The following CPZ variants were observed in gnomAD, a reference collection of about 807,000 sequenced individuals.
CPZ encodes the protein VEZT/CPZ fusion.
CPZ carries 103 observed loss-of-function variants against 61.8 expected under a neutral mutation model. The observed-to-expected ratio is 1.67, with a 90% CI of 1.42 to 1.96. CPZ has a LOEUF of 1.96. Ranked by LOEUF, CPZ falls within the 30% of genes most tolerant of loss-of-function variation. CPZ has a pLI of 0.00. For missense variants in CPZ, 1,461 were observed against 914.9 expected (o/e 1.60, Z -7.70); for synonymous variants, 551 against 373.7 (o/e 1.47, Z -5.47).
intron 2 of CPZ, chr4:8,599,856 A>T: frequency 3.9e-6 from 1 of 254,322 alleles, no homozygotes; most frequent in Non-Finnish European, 7.6e-6. Flanking sequence ...TGGGTGAGTC[A>T]CCTCCCCCGC....
chr4:8,614,221 A>G, intron 8 of CPZ, 138 bp from the exon 9 acceptor site: 11 of 1,205,880 alleles, frequency 9.1e-6, no homozygotes, highest in Non-Finnish European at 1.2e-5. Context: ...CACTTGGCTG[A>G]CACCCCGACG....
intron 1 of CPZ, among the ~76,000 whole-genome samples, chr4:8,594,574 A>C (rs1236385504): frequency 6.6e-6 from 1 of 152,038 alleles, no homozygotes; most frequent in Non-Finnish European, 1.5e-5. Context: ...GAGGAGGGGG[A>C]GGACTGACGG....
At chr4:8,595,604 G>A (rs191092976) in intron 1 of CPZ, among the ~76,000 whole-genome samples, 15 of 152,358 alleles carry the variant, frequency 9.8e-5, no homozygotes, top group Non-Finnish European at 1.8e-4. Flanking sequence ...TGCAGCCCCC[G>A]AGGGCTCCTC....
intron 1 of CPZ, among the ~76,000 whole-genome samples, chr4:8,596,292 C>T (rs1202796190): frequency 2.6e-5 from 4 of 152,192 alleles, no homozygotes; most frequent in African/African-American, 4.8e-5. Flanking sequence ...CCTCGTGATT[C>T]ACCCGCCTAG....
chr4:8,609,281 TAA>T (rs1261131466), intron 7 of CPZ, among the ~76,000 whole-genome samples: 1 of 138,734 alleles, frequency 7.2e-6, no homozygotes, highest in African/African-American at 2.9e-5. Context: ...ATTCACACAC[TAA>T]TTTTCTCAGT....
chr4:8,613,474 C>T (rs926998824), intron 8 of CPZ, among the ~76,000 whole-genome samples: 4 of 152,166 alleles, frequency 2.6e-5, no homozygotes, highest in Admixed American at 6.5e-5. Flanking sequence ...AGCATGAAGC[C>T]GGGGACCAGA....
chr4:8,615,524 A>C (rs1716089854), intron 9 of CPZ, among the ~76,000 whole-genome samples: 1 of 152,214 alleles, frequency 6.6e-6, no homozygotes, highest in Non-Finnish European at 1.5e-5. Context: ...AGGAGAGGTG[A>C]GGGCGCAGCA....
chr4:8,604,317 T>C (rs865828676), intron 4 of CPZ, 129 bp downstream of exon 4: 4 of 838,142 alleles, frequency 4.8e-6, no homozygotes, highest in Middle Eastern at 3.7e-4. Context: ...AGGGAGCTGC[T>C]TGGTGCAGGC....
At chr4:8,616,254 C>T (rs60550708) in intron 9 of CPZ, among the ~76,000 whole-genome samples, 3,531 of 152,254 alleles carry the variant, frequency 0.023, 148 homozygotes, top group African/African-American at 0.081. Flanking sequence ...GGCCAGGCCT[C>T]GGGTGGGAGT....
At chr4:8,605,334 C>CCATCCATCCATCATTTATG (rs1553876736) in intron 4 of CPZ, among the ~76,000 whole-genome samples, 79 of 149,086 alleles carry the variant, frequency 5.3e-4, no homozygotes, top group Middle Eastern at 3.4e-3. Context: ...ATCCATCCAT[C>CCATCCATCCATCATTTATG]CATCCATCCA....
At position 8,609,043 on chromosome 4, in the gene CPZ, A is replaced by ACTCACTCACCCATTCACTCC. The variant is rs1560297595; in HGVS notation, c.1227+1621_1227+1622insACTCACCCATTCACTCCCTC. Among the ~76,000 whole-genome samples, 805 of 141,566 alleles carry ACTCACTCACCCATTCACTCC rather than the reference A, an allele frequency of 5.7e-3. 70 individuals carry two copies. Among genetic ancestry groups the ACTCACTCACCCATTCACTCC allele is most frequent in the South Asian group, 0.025 (101 of 4,102 alleles). The allele number at this position is 141,566 out of a possible 152,430, so 92.9% of individuals were successfully genotyped here. A position where few individuals can be genotyped will look rare whatever the true frequency, so the allele number is the denominator to read the frequency against. ...AACTCACTCCTTCACTCACCCATTC[A>ACTCACTCACCCATTCACTCC]CTCCCTCCCTCCCTCACTCCCTCAC... On this transcript the variant is annotated intron_variant, in intron 7 of 10. Coordinates refer to ENST00000360986, the MANE Select transcript of CPZ (RefSeq NM_001014447.3).
In CPZ at chr4:8,592,876, G is replaced by A. The variant is rs780942665; in HGVS notation, c.43G>A (p.Val15Ile). 58 of 1,533,142 alleles carry A rather than the reference G, an allele frequency of 3.8e-5. No homozygotes were observed. In the African/African-American group the frequency reaches 7.2e-4, roughly 19 times the overall value. 95.0% of individuals were successfully genotyped at this position (1,533,142 alleles called of 1,614,324 possible). A position where few individuals can be genotyped will look rare whatever the true frequency, so the allele number is the denominator to read the frequency against. Residue 15 changes from valine to isoleucine, a missense_variant, in exon 1 of 11, where the codon GTC becomes ATC. Transcript: ENST00000360986. ...LPLLLLTVLV[V>I]AAARPGCEFE... The stretch of plus-strand genomic sequence containing the variant: ...GCTGCTGCTCCTTACAGTCCTGGTC[G>A]TCGCCGCTGCCCGGCCGGGGTGCGA...
chr4:8,607,149 T>C (rs1715104261), intron 6 of CPZ, 118 bp from the exon 7 acceptor site: 2 of 1,272,458 alleles, frequency 1.6e-6, no homozygotes, highest in African/African-American at 1.5e-5. Flanking sequence ...GGTGCGTTGA[T>C]GTAGAGACCG....
At chr4:8,609,127 T>TTTCCTCATTCACCCATTCAC (rs1560297898) in intron 7 of CPZ, among the ~76,000 whole-genome samples, 1 of 139,360 alleles carries the variant, frequency 7.2e-6, no homozygotes, top group South Asian at 2.4e-4. Context: ...CCCTCACTCA[T>TTTCCTCATTCACCCATTCAC]TCACTCATTT....
chr4:8,612,138 G>C lies in CPZ; in HGVS notation c.1339G>C (p.Ala447Pro). 1.3e-6 allele frequency: 2 copies of C among 1,594,996 alleles called. No individual in the cohort carries two copies. The highest frequency in any genetic ancestry group is 1.7e-6 in the Non-Finnish European group (2 of 1,171,038). The change falls in exon 8 of 11, where the codon GCG becomes CCG. Residue 447 changes from alanine (A) to proline (P), a missense_variant. Ala to Pro is a conservative substitution (Grantham distance 27). Coordinates refer to ENST00000360986, the MANE Select transcript of CPZ (RefSeq NM_001014447.3). ...GAAGAGGGGGAGCATCATCAACGGG[G>C]CGGACTGGTACAGCTTCACGGGAGG... ...FLKRGSIING[A>P]DWYSFTGGMS...
chr4:8,605,036 C>T (rs1030393280), intron 4 of CPZ, among the ~76,000 whole-genome samples: 4 of 152,246 alleles, frequency 2.6e-5, no homozygotes, highest in Non-Finnish European at 5.9e-5. Flanking sequence ...CTCCCTACAG[C>T]ACTGGAATTT....
intron 2 of CPZ, chr4:8,599,705 A>G (rs1004187726): frequency 2.4e-6 from 3 of 1,242,658 alleles, no homozygotes; most frequent in South Asian, 1.6e-5. Context: ...CCACCGGGCT[A>G]TGCCCACCCC....
At chr4:8,609,344 TTC>T (rs1485869944) in intron 7 of CPZ, among the ~76,000 whole-genome samples, 1 of 152,054 alleles carries the variant, frequency 6.6e-6, no homozygotes, top group Non-Finnish European at 1.5e-5. Context: ...CACTCACTCA[TTC>T]TCTCATTCAT....
chr4:8,610,696 C>T (rs1390001405), intron 7 of CPZ, among the ~76,000 whole-genome samples: 1 of 152,174 alleles, frequency 6.6e-6, no homozygotes, highest in African/African-American at 2.4e-5. Flanking sequence ...TGCTATGAGG[C>T]AGGGCAGGCC....
Sources: gnomAD v4.1 joint callset for allele counts (sites outside exome capture counted in the v4.1 genomes callset) on GRCh38, gnomAD v4.1.1 for gene constraint, MANE v1.5 for transcripts, NCBI Gene and HGNC (gene_info 2026-07-23, HGNC 2026-07-21) for gene names.